SPATA13: variants seen among roughly 807,000 people sequenced by gnomAD.
The protein encoded by SPATA13 is spermatogenesis-associated protein 13.
In SPATA13, 50 loss-of-function variants were observed where a neutral mutation model predicts 104.0. The ratio of observed to expected loss-of-function variants is 0.48; its 90% confidence interval spans 0.38 to 0.61. The LOEUF (loss-of-function observed/expected upper bound fraction) is 0.61, where lower values mean the gene tolerates loss of function less well. Among genes scored for constraint, SPATA13 ranks in the 20% least tolerant of loss-of-function variants. SPATA13 has a pLI of 0.00. For synonymous variants in SPATA13, 606 were observed against 667.5 expected (o/e 0.91, Z 1.42); for missense variants, 1,524 against 1,690.6 (o/e 0.90, Z 1.73).
intron 2 of SPATA13, chr13:23,984,005 AT>A (rs1875033628): frequency 9.3e-6 from 9 of 964,036 alleles, no homozygotes; most frequent in Non-Finnish European, 1.1e-5. Flanking sequence ...ATGGCAGAGT[AT>A]TTCAGGCTGT....
At chr13:24,031,809 A>C (rs1316367084) in intron 3 of SPATA13, among the ~76,000 whole-genome samples, 3 of 152,188 alleles carry the variant, frequency 2.0e-5, no homozygotes, top group Non-Finnish European at 4.4e-5. Context: ...ATTTCAGAGC[A>C]GTGGATATCT....
intron 1 of SPATA13, among the ~76,000 whole-genome samples, chr13:24,178,753 T>C (rs1341744135): frequency 6.6e-6 from 1 of 152,176 alleles, no homozygotes; most frequent in East Asian, 1.9e-4. Flanking sequence ...CTGGCCTCTT[T>C]GTTTCTTTTT....
intron 1 of SPATA13, among the ~76,000 whole-genome samples, chr13:24,207,949 G>A (rs150128993): frequency 6.6e-6 from 1 of 152,318 alleles, no homozygotes; most frequent in Non-Finnish European, 1.5e-5. Context: ...GGGTAGTTGT[G>A]TTGAGAATAT....
intron 3 of SPATA13, among the ~76,000 whole-genome samples, chr13:24,064,128 G>C (rs1300518901): frequency 6.6e-6 from 1 of 152,138 alleles, no homozygotes; most frequent in Non-Finnish European, 1.5e-5. Flanking sequence ...CTGTTCTCCT[G>C]CCTCATCAGG....
chr13:24,112,328 C>T (rs1880666707), intron 3 of SPATA13, among the ~76,000 whole-genome samples: 1 of 143,324 alleles, frequency 7.0e-6, no homozygotes, highest in South Asian at 2.2e-4. Context: ...TGCTACTCTG[C>T]TCTTGTTGCC....
At chr13:24,079,206 G>A (rs141026936) in intron 3 of SPATA13, among the ~76,000 whole-genome samples, 14 of 152,310 alleles carry the variant, frequency 9.2e-5, no homozygotes, top group African/African-American at 3.4e-4. Context: ...TGGCCCACAT[G>A]GCTGCAGGAG....
chr13:24,089,224 C>T (rs1249522102), intron 3 of SPATA13, among the ~76,000 whole-genome samples: 1 of 152,144 alleles, frequency 6.6e-6, no homozygotes, highest in African/African-American at 2.4e-5. Flanking sequence ...TTTTGAATGC[C>T]CATGCCGGCC....
rs9580920 is a variant in SPATA13, at chr13:24,293,022, A to T, written c.3081-1717A>T. 1.5e-3 allele frequency among the ~76,000 whole-genome samples: 200 copies of T among 134,874 alleles called. 3 individuals carry two copies. The highest frequency in any genetic ancestry group is 3.8e-3 in the Middle Eastern group (1 of 264). The allele number at this position is 134,874 out of a possible 152,430, so 88.5% of individuals were successfully genotyped here. On this transcript the variant is annotated intron_variant, in intron 9 of 12. Coordinates refer to ENST00000382108, the MANE Select transcript of SPATA13 (RefSeq NM_001166271.3). ...AAAAAAAAAAAAAAAAAAAAAAAAA[A>T]GGCGAGGGTGTGGGGAGAGCCTTCT...
chr13:24,290,648 C>G lies in SPATA13; in HGVS notation c.2848-4C>G, dbSNP rs999249646. 1.9e-6 allele frequency: 3 copies of G among 1,613,380 alleles called. No individual in the cohort carries two copies. The highest frequency in any genetic ancestry group is 2.7e-5 in the African/African-American group (2 of 75,018). On this transcript the variant is annotated splice_region_variant and splice_polypyrimidine_tract_variant and intron_variant, in intron 8 of 12. Transcript: ENST00000382108. ...GCTGACGAAGCTGTACTTTTCCTTCCCAGCAAGAGGGCTTTGCCATCTATT... is the reference window on the plus strand; with the variant it reads ...GCTGACGAAGCTGTACTTTTCCTTCGCAGCAAGAGGGCTTTGCCATCTATT...
chr13:24,190,126 AATATACAATATATATTATTATATAACAT>A (rs1566141205), intron 1 of SPATA13, among the ~76,000 whole-genome samples: 241 of 1,990 alleles, frequency 0.12, 83 homozygotes, highest in East Asian at 1. Flanking sequence ...ATAACATAAT[AATATACAATATATATTATTATATAACAT>A]ATATATAATA....
chr13:24,076,734 C>A (rs1879341051), intron 3 of SPATA13, among the ~76,000 whole-genome samples: 1 of 151,612 alleles, frequency 6.6e-6, no homozygotes. Flanking sequence ...AGAGAAAACA[C>A]CTAGAGACAA....
At chr13:24,016,599 G>T (rs567454159) in intron 2 of SPATA13, among the ~76,000 whole-genome samples, 9 of 152,344 alleles carry the variant, frequency 5.9e-5, no homozygotes, top group African/African-American at 1.7e-4. Context: ...CAGGCTCAGT[G>T]TCCAGGGCCC....
At chr13:24,174,283 CTTTG>C (rs946544049) in intron 1 of SPATA13, among the ~76,000 whole-genome samples, 9 of 151,980 alleles carry the variant, frequency 5.9e-5, no homozygotes, top group Non-Finnish European at 8.8e-5. Flanking sequence ...AAGAACAGCT[CTTTG>C]TTTAATTGAT....
chr13:24,301,482 A>G (rs572499126), intron 12 of SPATA13, among the ~76,000 whole-genome samples: 2 of 152,376 alleles, frequency 1.3e-5, no homozygotes, highest in East Asian at 1.9e-4. Context: ...TCAGATGACT[A>G]GTAAATCAAT....
Position 24,097,989 on chromosome 13 carries a change from G to T in SPATA13, c.-112+80288G>T, listed in dbSNP as rs148710018. Among the ~76,000 whole-genome samples the T allele has an allele frequency of 1.3e-3, 200 of 152,300 alleles. 1 individual carries two copies. The highest frequency in any genetic ancestry group is 6.8e-3 in the Middle Eastern group (2 of 294). On this transcript the variant is annotated intron_variant, in intron 3 of 14. Coordinates refer to the SPATA13 transcript ENST00000424834. ...ATGAAAACAGAAGGACCTCCATGAG[G>T]TTCAGACTGCCTTGACTCTGCATCC...
intron 3 of SPATA13, among the ~76,000 whole-genome samples, chr13:24,070,161 G>A (rs965643172): frequency 3.3e-5 from 5 of 152,196 alleles, no homozygotes; most frequent in African/African-American, 7.2e-5. Context: ...GGACTAAAAC[G>A]GTTCCAGTGT....
intron 2 of SPATA13, among the ~76,000 whole-genome samples, chr13:24,241,882 A>G (rs1378428597): frequency 4.6e-5 from 7 of 152,016 alleles, no homozygotes; most frequent in Non-Finnish European, 8.8e-5. Context: ...TGAGACCCCT[A>G]TCTCTACAGA....
At chr13:24,213,006 C>T (rs1462712735) in intron 1 of SPATA13, among the ~76,000 whole-genome samples, 1 of 152,234 alleles carries the variant, frequency 6.6e-6, no homozygotes, top group African/African-American at 2.4e-5. Flanking sequence ...AATAGCACAT[C>T]GCAGCAGAGG....
At chr13:24,294,905 C>T (rs541272622) in intron 10 of SPATA13, 37 bp downstream of exon 10, 36 of 1,582,528 alleles carry the variant, frequency 2.3e-5, no homozygotes, top group Non-Finnish European at 2.9e-5. Context: ...CCATGCCACT[C>T]GCCCTTCCCG....
Sources: allele counts gnomAD v4.1 joint callset (sites outside exome capture counted in the v4.1 genomes callset), GRCh38; gene constraint gnomAD v4.1.1; transcripts MANE v1.5; gene names NCBI Gene and HGNC (gene_info 2026-07-23, HGNC 2026-07-21).